METTL9: variants seen among roughly 807,000 people sequenced by gnomAD.
METTL9 encodes protein-L-histidine N-pros-methyltransferase.
Under a neutral mutation model 36.0 loss-of-function variants are expected in METTL9, and 10 were observed. The observed-to-expected ratio is 0.28, with a 90% CI of 0.17 to 0.47. The LOEUF (loss-of-function observed/expected upper bound fraction) is 0.47, where lower values mean the gene tolerates loss of function less well. METTL9 is among the 20% of genes least tolerant of loss of function. The pLI, the probability that METTL9 is intolerant of heterozygous loss-of-function variation, is 0.99. For missense variants in METTL9, 246 were observed against 383.5 expected, an observed-to-expected ratio of 0.64 and a Z score of 3.00; for synonymous variants, 175 against 149.7, an observed-to-expected ratio of 1.17 and a Z score of -1.23.
intron 4 of METTL9, chr16:21,641,380 A>G (rs1966262649): frequency 2.1e-6 from 1 of 468,196 alleles, no homozygotes; most frequent in South Asian, 4.1e-5. Flanking sequence ...ACTATTAGTT[A>G]TAGTTTCCTT....
At chr16:21,613,707 A>G (rs1282212486) in intron 2 of METTL9, among the ~76,000 whole-genome samples, 4 of 152,136 alleles carry the variant, frequency 2.6e-5, no homozygotes, top group African/African-American at 4.8e-5. Context: ...TTGAGTGAAG[A>G]GTCCTGCATC....
intron 4 of METTL9, among the ~76,000 whole-genome samples, chr16:21,649,371 A>C (rs1966511231): frequency 6.6e-6 from 1 of 152,150 alleles, no homozygotes; most frequent in Non-Finnish European, 1.5e-5. Flanking sequence ...GATAAATGCA[A>C]ACCAGACAAG....
At chr16:21,639,415 C>T (rs1056806479) in intron 4 of METTL9, 12 of 152,128 alleles carry the variant, frequency 7.9e-5, no homozygotes, top group African/African-American at 2.9e-4. Context: ...AGCAAATGAT[C>T]GAATTCAACA....
At chr16:21,600,490 A>G (rs961266560) in intron 1 of METTL9, among the ~76,000 whole-genome samples, 3 of 152,180 alleles carry the variant, frequency 2.0e-5, no homozygotes, top group African/African-American at 7.2e-5. Flanking sequence ...ATCCTACGGA[A>G]CCTTCCCCTC....
chr16:21,640,141 T>C (rs1275501703), intron 4 of METTL9: 2 of 151,940 alleles, frequency 1.3e-5, no homozygotes, highest in Non-Finnish European at 2.9e-5. Flanking sequence ...GGTTTCATCA[T>C]GTTGTTCAGG....
In METTL9 at chr16:21,643,071, T is replaced by TA. The variant is rs1433583539; in HGVS notation, c.752-12155dup. 5.7e-6 allele frequency: 9 copies of TA among 1,591,786 alleles called. No homozygotes were observed. In the Admixed American group the frequency reaches 1.3e-4, roughly 24 times the overall value. ...ACATTTTTTTTTGACATTTTACACT[T>TA]ACAGATTGCTGATTTGTTTCCACAT... On this transcript the variant is annotated intron_variant, in intron 4 of 4. Coordinates refer to ENST00000358154, the MANE Select transcript of METTL9 (RefSeq NM_016025.5).
intron 4 of METTL9, chr16:21,647,296 G>T: frequency 6.2e-7 from 1 of 1,614,174 alleles, no homozygotes; most frequent in Non-Finnish European, 8.5e-7. Flanking sequence ...CTGTGAACTT[G>T]TCTGCCTCAC....
chr16:21,646,153 TCC>T (rs1555492888), intron 4 of METTL9, among the ~76,000 whole-genome samples: 2 of 64,442 alleles, frequency 3.1e-5, no homozygotes, highest in African/African-American at 1.4e-4. Flanking sequence ...TCTCTGAAAT[TCC>T]CCCTTTTTTT....
intron 4 of METTL9, chr16:21,652,399 T>A: frequency 1.7e-6 from 1 of 583,444 alleles, no homozygotes; most frequent in Non-Finnish European, 2.9e-6. Flanking sequence ...AAAGGAAACT[T>A]ATCCTCTTAG....
chr16:21,638,623 G>T (rs1017990786), intron 4 of METTL9, among the ~76,000 whole-genome samples: 8 of 152,188 alleles, frequency 5.3e-5, no homozygotes, highest in African/African-American at 1.9e-4. Context: ...GATAGAAACA[G>T]ATAATGGCAG....
chr16:21,600,319 C>A (rs952555793), intron 1 of METTL9, among the ~76,000 whole-genome samples: 5 of 152,182 alleles, frequency 3.3e-5, no homozygotes, highest in Admixed American at 6.5e-5. Context: ...AGAAACAAAA[C>A]GAAAAGCCAG....
In METTL9 at chr16:21,617,865, G is replaced by A; in HGVS notation, c.357G>A (p.Gly119=). 6.2e-7 allele frequency: 1 copy of A among 1,613,408 alleles called. No individual in the cohort carries two copies. Among genetic ancestry groups the A allele is most frequent in the East Asian group, 2.2e-5 (1 of 44,828 alleles). ...CATTTTTGTCCTTTTTTTCTTTCAG[G>A]TTGCTAGGAAGAGGCTCAATGTTTG... ...SLFMSRTSIN[G]LLGRGSMFVF... is the part of the protein sequence containing the mutation. The change falls in exon 3 of 5, where the codon GGG becomes GGA. Residue 119 remains glycine (G), a splice_region_variant and synonymous_variant. Transcript: ENST00000358154.
chr16:21,623,496 C>T (rs981051750), intron 3 of METTL9, among the ~76,000 whole-genome samples: 9 of 152,112 alleles, frequency 5.9e-5, no homozygotes, highest in Non-Finnish European at 1.0e-4. Context: ...CTGTCTCTAT[C>T]ATAACATATC....
At chr16:21,610,933 A>C (rs1965410988) in intron 1 of METTL9, among the ~76,000 whole-genome samples, 1 of 152,186 alleles carries the variant, frequency 6.6e-6, no homozygotes, top group South Asian at 2.1e-4. Flanking sequence ...AACGTGCACC[A>C]GGAGGTCATG....
At chr16:21,609,097 A>C (rs1470679327) in intron 1 of METTL9, among the ~76,000 whole-genome samples, 1 of 152,164 alleles carries the variant, frequency 6.6e-6, no homozygotes, top group African/African-American at 2.4e-5. Context: ...GTCTTCCTTC[A>C]TTGCTTGCTT....
intron 4 of METTL9, among the ~76,000 whole-genome samples, chr16:21,632,070 G>A (rs1401614019): frequency 2.6e-5 from 4 of 151,808 alleles, no homozygotes; most frequent in African/African-American, 9.7e-5. Context: ...TTATCCTGCT[G>A]TTCTCCCCTC....
At chr16:21,609,024 G>A (rs1965359811) in intron 1 of METTL9, among the ~76,000 whole-genome samples, 1 of 152,190 alleles carries the variant, frequency 6.6e-6, no homozygotes, top group African/African-American at 2.4e-5. Context: ...GAAATTGCAA[G>A]GTGGTAAATG....
At chr16:21,605,350 A>C (rs1366941076) in intron 1 of METTL9, among the ~76,000 whole-genome samples, 1 of 129,884 alleles carries the variant, frequency 7.7e-6, no homozygotes, top group Non-Finnish European at 1.5e-5. Flanking sequence ...GCCTGATCAT[A>C]TCTCACTGCA....
At position 21,643,407 on chromosome 16, in the gene METTL9, A is replaced by G. The variant is rs1448825116; in HGVS notation, c.752-11820A>G. The G allele has an allele frequency of 6.3e-6, 4 of 637,452 alleles. No individual in the cohort carries two copies. The East Asian group carries it at 1.1e-4, about 17-fold the overall frequency. 39.5% of individuals were successfully genotyped at this position (637,452 alleles called of 1,614,324 possible). ...TCATTGAGTTTCTCAACAATAGGAAATAGTGTCTGCAGTTGAAAGTTACCT... is the reference window on the plus strand; with the variant it reads ...TCATTGAGTTTCTCAACAATAGGAAGTAGTGTCTGCAGTTGAAAGTTACCT... On this transcript the variant is annotated intron_variant, in intron 4 of 4. Coordinates refer to ENST00000358154, the MANE Select transcript of METTL9 (RefSeq NM_016025.5).
Sources: gnomAD v4.1 joint callset for allele counts (sites outside exome capture counted in the v4.1 genomes callset) on GRCh38, gnomAD v4.1.1 for gene constraint, MANE v1.5 for transcripts, NCBI Gene and HGNC (gene_info 2026-07-23, HGNC 2026-07-21) for gene names.